Variants in ROR1 observed in about 807,000 individuals in gnomAD.
ROR1 encodes the protein ROR family WNT receptor 1, also known as inactive tyrosine-protein kinase transmembrane receptor ROR1.
A neutral mutation model predicts 78.8 loss-of-function variants in ROR1; 19 were observed. That is an observed-to-expected ratio of 0.24 (90% CI 0.17 to 0.35). The LOEUF is 0.35. ROR1 is among the 10% of genes least tolerant of loss of function. The probability of loss-of-function intolerance (pLI) is 1.00; values close to 1 mark genes in which losing one functional copy is unlikely to be tolerated. For synonymous variants in ROR1, 386 were observed against 433.6 expected (o/e 0.89, Z 1.36); for missense variants, 917 against 1,177.8 (o/e 0.78, Z 3.24).
At chr1:63,966,412 G>A (rs762831179) in intron 1 of ROR1, among the ~76,000 whole-genome samples, 4 of 152,142 alleles carry the variant, frequency 2.6e-5, no homozygotes, top group African/African-American at 7.2e-5. Context: ...GTAGATGGAC[G>A]CTTTTGAGTT....
chr1:63,939,945 C>T lies in ROR1; in HGVS notation c.92-69360C>T, dbSNP rs1397822640. 3.3e-5 allele frequency among the ~76,000 whole-genome samples: 5 copies of T among 152,124 alleles called. No homozygotes were observed. The South Asian group carries it at 6.2e-4, about 19-fold the overall frequency. On this transcript the variant is annotated intron_variant, in intron 1 of 8. Coordinates refer to ENST00000371079, the MANE Select transcript of ROR1 (RefSeq NM_005012.4). ...AATTCATTCAACGGGTTTCTACACT[C>T]ATTTTCTTGTGAAGGAAGAAACATG... is the stretch of plus-strand genomic sequence containing the variant.
At chr1:64,081,783 A>AAAAAAAAAAATG (rs1647104289) in intron 4 of ROR1, among the ~76,000 whole-genome samples, 1 of 148,828 alleles carries the variant, frequency 6.7e-6, no homozygotes, top group Non-Finnish European at 1.5e-5. Context: ...AAAAAAAAAA[A>AAAAAAAAAAATG]GCGGCAAAAT....
intron 1 of ROR1, among the ~76,000 whole-genome samples, chr1:63,805,740 T>TA (rs1287752534): frequency 2.6e-5 from 4 of 152,178 alleles, no homozygotes; most frequent in Non-Finnish European, 5.9e-5. Context: ...ACAGGCCGGG[T>TA]ACAGTGGCTC....
Position 63,817,271 on chromosome 1 carries a change from G to A in ROR1, c.91+42763G>A, listed in dbSNP as rs887938105. On this transcript the variant is annotated intron_variant, in intron 1 of 8. Coordinates refer to ENST00000371079, the MANE Select transcript of ROR1 (RefSeq NM_005012.4). Reference sequence around the variant, plus strand: ...CAGGGCAGCATGATGTCAACGCCCCGTGGTCTCTTATCTACAAGAAGGGTA... The same window carrying A: ...CAGGGCAGCATGATGTCAACGCCCCATGGTCTCTTATCTACAAGAAGGGTA... Among the ~76,000 whole-genome samples the A allele has an allele frequency of 3.9e-5, 6 of 152,144 alleles. No homozygotes were observed. The South Asian group carries it at 6.2e-4, about 16-fold the overall frequency.
intron 1 of ROR1, among the ~76,000 whole-genome samples, chr1:63,968,268 T>G (rs1338406521): frequency 1.3e-5 from 2 of 152,152 alleles, no homozygotes; most frequent in Non-Finnish European, 2.9e-5. Context: ...CAAAATAAAA[T>G]GCTCAGCAAT....
chr1:63,858,751 AAGAT>A (rs1263873367), intron 1 of ROR1, among the ~76,000 whole-genome samples: 6 of 152,140 alleles, frequency 3.9e-5, no homozygotes, highest in African/African-American at 1.4e-4. Flanking sequence ...AATGCTAATT[AAGAT>A]ATTTATTCTC....
intron 1 of ROR1, among the ~76,000 whole-genome samples, chr1:63,927,959 CT>C (rs71056016): frequency 0.61 from 81,319 of 134,080 alleles, 26,218 homozygotes; most frequent in East Asian, 0.89. Context: ...AAGGGGTTCC[CT>C]TTTTTTTTTT....
At chr1:63,983,653 G>A (rs958831256) in intron 1 of ROR1, among the ~76,000 whole-genome samples, 9 of 152,144 alleles carry the variant, frequency 5.9e-5, no homozygotes, top group Non-Finnish European at 1.2e-4. Flanking sequence ...GGTTGATTTA[G>A]GATGACATCA....
rs114900485 is a variant in ROR1, at chr1:64,018,610, G to A, written c.163+9234G>A. ...GAAGATCTTCGTCATTTCAAGCAAGGCCCTCATGTGTCTCCCATTCAAAGA... is the reference window on the plus strand; with the variant it reads ...GAAGATCTTCGTCATTTCAAGCAAGACCCTCATGTGTCTCCCATTCAAAGA... On this transcript the variant is annotated intron_variant, in intron 2 of 8. Transcript: ENST00000371079. Among the ~76,000 whole-genome samples, 387 of 152,206 alleles carry A rather than the reference G, an allele frequency of 2.5e-3. 1 individual carries two copies. The highest frequency in any genetic ancestry group is 8.8e-3 in the African/African-American group (366 of 41,514).
intron 1 of ROR1, among the ~76,000 whole-genome samples, chr1:63,831,622 C>A (rs1644989579): frequency 6.6e-6 from 1 of 152,238 alleles, no homozygotes; most frequent in Non-Finnish European, 1.5e-5. Flanking sequence ...CCAGTTTTCC[C>A]TTCTAGGCCT....
chr1:64,148,722 G>C (rs958836182), intron 7 of ROR1, among the ~76,000 whole-genome samples: 1 of 152,104 alleles, frequency 6.6e-6, no homozygotes, highest in African/African-American at 2.4e-5. Context: ...ATCAAATATG[G>C]CTGTTGTAAA....
At chr1:63,843,042 G>A (rs1645058482) in intron 1 of ROR1, among the ~76,000 whole-genome samples, 1 of 152,074 alleles carries the variant, frequency 6.6e-6, no homozygotes. Context: ...GGGAGTGGGG[G>A]GATCTGTTTG....
intron 1 of ROR1, among the ~76,000 whole-genome samples, chr1:63,952,605 T>G (rs2100472557): frequency 6.6e-6 from 1 of 152,182 alleles, no homozygotes; most frequent in Middle Eastern, 3.4e-3. Flanking sequence ...GGAGCTGGAG[T>G]TCTCTGAGGG....
At chr1:63,920,658 T>C (rs978228616) in intron 1 of ROR1, among the ~76,000 whole-genome samples, 23 of 152,250 alleles carry the variant, frequency 1.5e-4, no homozygotes, top group African/African-American at 5.5e-4. Flanking sequence ...ATAGTTTACA[T>C]ACCAACACTG....
chr1:64,124,050 A>T (rs1368175056), intron 4 of ROR1, among the ~76,000 whole-genome samples: 4 of 152,354 alleles, frequency 2.6e-5, no homozygotes, highest in Admixed American at 6.5e-5. Flanking sequence ...TACATATTAC[A>T]TTAAAAAGAA....
rs1281091653 is a variant in ROR1, at chr1:63,912,919, C to T, written c.92-96386C>T. ...AATTAACTTTGGGTGTGAGGAGAAG[C>T]GCTTCAGATAAGAAATGGGCAAACT... On this transcript the variant is annotated intron_variant, in intron 1 of 8. Transcript: ENST00000371079. Among the ~76,000 whole-genome samples the T allele has an allele frequency of 2.6e-5, 4 of 152,052 alleles. No individual in the cohort carries two copies. In the East Asian group the frequency reaches 7.7e-4, roughly 29 times the overall value.
intron 1 of ROR1, among the ~76,000 whole-genome samples, chr1:63,944,228 A>C (rs141867318): frequency 7.2e-5 from 11 of 152,318 alleles, no homozygotes; most frequent in African/African-American, 2.2e-4. Context: ...GGCTAAACCA[A>C]GCACGTTGTG....
chr1:64,014,273 T>A (rs560564354), intron 2 of ROR1, among the ~76,000 whole-genome samples: 62 of 152,264 alleles, frequency 4.1e-4, no homozygotes, highest in African/African-American at 1.4e-3. Context: ...CACACTCAGG[T>A]CCCAGTGTTC....
chr1:63,929,768 C>T (rs576339449), intron 1 of ROR1, among the ~76,000 whole-genome samples: 1 of 152,110 alleles, frequency 6.6e-6, no homozygotes, highest in Non-Finnish European at 1.5e-5. Flanking sequence ...ATGCTTTTTC[C>T]TTCAGTAGCT....
Sources: allele counts gnomAD v4.1 joint callset (sites outside exome capture counted in the v4.1 genomes callset), GRCh38; gene constraint gnomAD v4.1.1; transcripts MANE v1.5; gene names NCBI Gene and HGNC (gene_info 2026-07-23, HGNC 2026-07-21).